ARHGAP26: variants seen among roughly 807,000 people sequenced by gnomAD.
ARHGAP26 encodes Rho GTPase activating protein 26, also known as rho GTPase-activating protein 26.
In ARHGAP26, 38 loss-of-function variants were observed where a neutral mutation model predicts 104.8. The ratio of observed to expected loss-of-function variants is 0.36; its 90% CI spans 0.28 to 0.48. ARHGAP26 has a LOEUF of 0.48. Among genes scored for constraint, ARHGAP26 ranks in the 20% least tolerant of loss-of-function variants. The probability of loss-of-function intolerance (pLI) is 0.99; values close to 1 mark genes in which losing one functional copy is unlikely to be tolerated. For missense variants in ARHGAP26, 704 were observed against 947.9 expected, an observed-to-expected ratio of 0.74 and a Z score of 3.38; for synonymous variants, 341 against 340.0, an observed-to-expected ratio of 1.00 and a Z score of -0.03.
intron 20 of ARHGAP26, among the ~76,000 whole-genome samples, chr5:143,178,161 G>A (rs140864428): frequency 6.6e-6 from 1 of 151,718 alleles, no homozygotes; most frequent in African/African-American, 2.4e-5. Context: ...CACCATGCCC[G>A]GCTAATTTTT....
intron 17 of ARHGAP26, among the ~76,000 whole-genome samples, chr5:143,073,229 T>A (rs576389555): frequency 5.9e-5 from 9 of 152,300 alleles, no homozygotes; most frequent in Admixed American, 2.0e-4. Context: ...CCTCATTTTT[T>A]AAAAAAGTTT....
chr5:143,198,805 T>C (rs1014479085), intron 20 of ARHGAP26, among the ~76,000 whole-genome samples: 3 of 152,228 alleles, frequency 2.0e-5, no homozygotes, highest in Non-Finnish European at 4.4e-5. Flanking sequence ...ATTATTTTAT[T>C]TGTGTAAATA....
At chr5:143,150,743 C>T (rs1799752598) in intron 20 of ARHGAP26, among the ~76,000 whole-genome samples, 1 of 152,210 alleles carries the variant, frequency 6.6e-6, no homozygotes, top group South Asian at 2.1e-4. Flanking sequence ...AATCTAGATA[C>T]AGACATTATA....
At chr5:142,927,341 A>C (rs1764058635) in intron 10 of ARHGAP26, among the ~76,000 whole-genome samples, 1 of 152,114 alleles carries the variant, frequency 6.6e-6, no homozygotes, top group Non-Finnish European at 1.5e-5. Context: ...AAAAAAAAAA[A>C]AAAAATCACT....
intron 20 of ARHGAP26, among the ~76,000 whole-genome samples, chr5:143,158,817 C>G (rs1449636289): frequency 2.6e-5 from 4 of 152,208 alleles, no homozygotes; most frequent in African/African-American, 9.6e-5. Context: ...CCTATTACCT[C>G]TTGTTGCCCT....
At chr5:142,835,850 A>T (rs1597835602) in intron 1 of ARHGAP26, among the ~76,000 whole-genome samples, 1 of 152,370 alleles carries the variant, frequency 6.6e-6, no homozygotes, top group South Asian at 2.1e-4. Context: ...CAGTGATCTC[A>T]ATTAGATTCT....
intron 10 of ARHGAP26, among the ~76,000 whole-genome samples, chr5:142,913,919 C>A (rs943421639): frequency 2.6e-5 from 4 of 152,030 alleles, no homozygotes; most frequent in African/African-American, 9.7e-5. Flanking sequence ...GACAACATTC[C>A]AATTCTTTGA....
chr5:143,106,749 A>C (rs1794082770), intron 17 of ARHGAP26, among the ~76,000 whole-genome samples: 1 of 152,176 alleles, frequency 6.6e-6, no homozygotes, highest in Admixed American at 6.5e-5. Context: ...CTGGGATTAC[A>C]GGCATGAGCC....
chr5:142,921,677 A>C (rs1763212580), intron 10 of ARHGAP26: 1 of 165,674 alleles, frequency 6.0e-6, no homozygotes, highest in Admixed American at 6.5e-5. Flanking sequence ...TGCAGGTAAA[A>C]AAGATAAGAG....
At chr5:142,842,108 G>C (rs1770924841) in intron 1 of ARHGAP26, among the ~76,000 whole-genome samples, 1 of 152,314 alleles carries the variant, frequency 6.6e-6, no homozygotes. Flanking sequence ...ATTTTGATTT[G>C]TGTTAATGGG....
At chr5:143,026,505 G>A (rs936901415) in intron 12 of ARHGAP26, among the ~76,000 whole-genome samples, 2 of 152,118 alleles carry the variant, frequency 1.3e-5, no homozygotes, top group African/African-American at 4.8e-5. Flanking sequence ...CGTGTCAGGA[G>A]TGGGTAGATG....
chr5:143,054,069 G>C (rs1785439965), intron 14 of ARHGAP26, among the ~76,000 whole-genome samples: 1 of 151,952 alleles, frequency 6.6e-6, no homozygotes, highest in African/African-American at 2.4e-5. Flanking sequence ...ACGTTTCTGG[G>C]GTCTGTAACT....
At chr5:142,823,210 C>A (rs182004773) in intron 1 of ARHGAP26, among the ~76,000 whole-genome samples, 3 of 152,118 alleles carry the variant, frequency 2.0e-5, no homozygotes, top group Non-Finnish European at 4.4e-5. Context: ...CATGGAAGCT[C>A]GTGCTAAACA....
chr5:143,097,450 C>T (rs1020198728), intron 17 of ARHGAP26, among the ~76,000 whole-genome samples: 3 of 151,158 alleles, frequency 2.0e-5, no homozygotes, highest in South Asian at 2.1e-4. Flanking sequence ...GGTAACTTTA[C>T]CTAATTCTAT....
At chr5:142,949,932 C>G (rs1768046341) in intron 11 of ARHGAP26, among the ~76,000 whole-genome samples, 1 of 152,128 alleles carries the variant, frequency 6.6e-6, no homozygotes, top group African/African-American at 2.4e-5. Flanking sequence ...AACTATTGAC[C>G]AGGTCATTTC....
At chr5:143,011,414 G>A (rs1778734542) in intron 11 of ARHGAP26, among the ~76,000 whole-genome samples, 2 of 145,946 alleles carry the variant, frequency 1.4e-5, no homozygotes, top group African/African-American at 5.1e-5. Flanking sequence ...AAAGTTTTAT[G>A]AGAGCAGAGA....
chr5:142,825,829 A>G (rs998842349), intron 1 of ARHGAP26, among the ~76,000 whole-genome samples: 1 of 152,214 alleles, frequency 6.6e-6, no homozygotes, highest in African/African-American at 2.4e-5. Context: ...AGTATCATTT[A>G]TAGGTGTCCT....
chr5:143,199,148 G>A (rs1807314899), intron 20 of ARHGAP26, among the ~76,000 whole-genome samples: 1 of 152,116 alleles, frequency 6.6e-6, no homozygotes, highest in Admixed American at 6.6e-5. Context: ...ATTAGATGAG[G>A]GGAAATAATC....
At chr5:142,929,317 C>T (rs1764381808) in intron 10 of ARHGAP26, among the ~76,000 whole-genome samples, 1 of 152,276 alleles carries the variant, frequency 6.6e-6, no homozygotes, top group South Asian at 2.1e-4. Flanking sequence ...GCATTTCAAA[C>T]ATGAATTAAA....
Sources: allele counts gnomAD v4.1 joint callset (sites outside exome capture counted in the v4.1 genomes callset), GRCh38; gene constraint gnomAD v4.1.1; transcripts MANE v1.5; gene names NCBI Gene and HGNC (gene_info 2026-07-23, HGNC 2026-07-21).